Variants in UNC13C observed in about 807,000 individuals in gnomAD.
The protein encoded by UNC13C is unc-13 homolog C.
A neutral mutation model predicts 245.4 loss-of-function variants in UNC13C; 174 were observed. The ratio of observed to expected loss-of-function variants is 0.71; its 90% CI spans 0.63 to 0.80. The LOEUF is 0.80. Among genes scored for constraint, UNC13C ranks in the 30% least tolerant of loss-of-function variants. The pLI, the probability that UNC13C is intolerant of heterozygous loss-of-function variation, is 0.00. For synonymous variants in UNC13C, 992 were observed against 895.1 expected, an observed-to-expected ratio of 1.11 and a Z score of -1.93; for missense variants, 2,829 against 2,602.9, an observed-to-expected ratio of 1.09 and a Z score of -1.89.
At chr15:54,559,316 G>T (rs1897208225) in intron 29 of UNC13C, among the ~76,000 whole-genome samples, 1 of 151,992 alleles carries the variant, frequency 6.6e-6, no homozygotes, top group Admixed American at 6.6e-5. Flanking sequence ...TTATTCCTCT[G>T]TGTTTCTTAC....
chr15:53,843,676 G>A, the UNC13C span, among the ~76,000 whole-genome samples: 2 of 152,012 alleles, frequency 1.3e-5, no homozygotes, highest in Admixed American at 1.3e-4. Flanking sequence ...TGAAAATGAA[G>A]GCCATGTGTG....
intron 19 of UNC13C, among the ~76,000 whole-genome samples, chr15:54,464,026 C>T (rs1206800121): frequency 6.6e-6 from 1 of 152,136 alleles, no homozygotes; most frequent in Non-Finnish European, 1.5e-5. Flanking sequence ...GATAAAGAAG[C>T]AGTTAACGAA....
chr15:54,030,860 C>A (rs1231060820), intron 2 of UNC13C, among the ~76,000 whole-genome samples: 1 of 152,092 alleles, frequency 6.6e-6, no homozygotes, highest in Non-Finnish European at 1.5e-5. Context: ...TTATAAGAGC[C>A]CAAAATCCTA....
At chr15:53,984,618 CAGTG>C (rs1894055733) in intron 1 of UNC13C, among the ~76,000 whole-genome samples, 2 of 152,058 alleles carry the variant, frequency 1.3e-5, no homozygotes, top group East Asian at 1.9e-4. Flanking sequence ...AGGAAGTTCT[CAGTG>C]AGCACTGGCT....
intron 4 of UNC13C, among the ~76,000 whole-genome samples, chr15:54,150,381 TA>T (rs2032462685): frequency 6.6e-6 from 1 of 152,248 alleles, no homozygotes; most frequent in Admixed American, 6.5e-5. Context: ...GGAGTACGCC[TA>T]ATCACAGACT....
intron 19 of UNC13C, among the ~76,000 whole-genome samples, chr15:54,486,490 C>G (rs1205043444): frequency 6.6e-6 from 1 of 151,602 alleles, no homozygotes; most frequent in Non-Finnish European, 1.5e-5. Flanking sequence ...AACATAGCAC[C>G]TGGTTCATAG....
At chr15:54,482,191 G>T (rs899159994) in intron 19 of UNC13C, among the ~76,000 whole-genome samples, 3 of 152,118 alleles carry the variant, frequency 2.0e-5, no homozygotes, top group Non-Finnish European at 2.9e-5. Context: ...TCATGATACT[G>T]CAGTCCTCGG....
chr15:54,408,249 C>A (rs951742349), intron 18 of UNC13C, among the ~76,000 whole-genome samples: 38 of 135,768 alleles, frequency 2.8e-4, no homozygotes, highest in Non-Finnish European at 4.9e-4. Flanking sequence ...GAACCATAGG[C>A]TCTGTTTCTG....
chr15:54,288,755 T>C (rs1331802026), intron 10 of UNC13C, among the ~76,000 whole-genome samples: 1 of 152,146 alleles, frequency 6.6e-6, no homozygotes, highest in Non-Finnish European at 1.5e-5. Context: ...TACTGTTTCC[T>C]GGAGAATTTA....
chr15:54,317,269 C>T (rs994244), intron 13 of UNC13C, among the ~76,000 whole-genome samples: 58,318 of 151,692 alleles, frequency 0.38, 11,475 homozygotes, highest in East Asian at 0.55. Flanking sequence ...TAATGATAAA[C>T]GTGTGGTGAA....
In UNC13C at chr15:54,019,623, G is replaced by C. The variant is rs577244195; in HGVS notation, c.2983+3737G>C. 1.6e-4 allele frequency among the ~76,000 whole-genome samples: 24 copies of C among 152,272 alleles called. No homozygotes were observed. In the East Asian group the frequency reaches 4.6e-3, roughly 29 times the overall value. ...TTCCTAGCAGAAGACCAAAAATCTT[G>C]TTCTGAAAGAGACTGTGATATCGGA... On this transcript the variant is annotated intron_variant, in intron 2 of 32. Transcript: ENST00000260323.
chr15:54,427,435 C>T (rs1023847982), intron 19 of UNC13C, among the ~76,000 whole-genome samples: 1 of 151,708 alleles, frequency 6.6e-6, no homozygotes, highest in Admixed American at 6.6e-5. Context: ...ACTATAAGTC[C>T]AATTAAGCCT....
chr15:53,937,485 C>T, the UNC13C span, among the ~76,000 whole-genome samples: 1 of 152,164 alleles, frequency 6.6e-6, no homozygotes, highest in Non-Finnish European at 1.5e-5. Context: ...AGTAGAACTT[C>T]CCAACCTAGC....
At position 54,015,070 on chromosome 15, in the gene UNC13C, T is replaced by A. The variant is rs1895581536; in HGVS notation, c.2167T>A (p.Cys723Ser). 3 of 1,612,850 alleles carry A rather than the reference T, an allele frequency of 1.9e-6. No individual in the cohort carries two copies. The South Asian group carries it at 3.3e-5, about 18-fold the overall frequency. ...AACTCAAGATGACAATTCTTCTCCATGCCCTGGCTTGGATAATGAACCACA... is the reference window on the plus strand; with the variant it reads ...AACTCAAGATGACAATTCTTCTCCAAGCCCTGGCTTGGATAATGAACCACA... ...DLTQDDNSSP[C>S]PGLDNEPQGQ... The change falls in exon 2 of 33, where the codon TGC becomes AGC. Residue 723 changes from cysteine to serine, a missense_variant. By Grantham distance (112) the Cys-to-Ser change is moderately radical (BLOSUM62 -1). Coordinates refer to ENST00000260323, the MANE Select transcript of UNC13C (RefSeq NM_001080534.3).
rs757381905 is a variant in UNC13C at position 54,015,313 on chromosome 15, G to A, written c.2410G>A (p.Ala804Thr). Residue 804 changes from alanine to threonine, a missense_variant, in exon 2 of 33, where the codon GCT becomes ACT. By Grantham distance (58) the Ala-to-Thr change is moderately conservative (BLOSUM62 0). Transcript: ENST00000260323. ...FPKFGSTLQRAKSALEVVWNK... is the reference protein window; with the variant it reads ...FPKFGSTLQRTKSALEVVWNK... ...AAAATTTGGATCTACACTGCAGAGG[G>A]CTAAATCAGCCTTGGAAGTAGTATG... is the stretch of plus-strand genomic sequence containing the variant. 1 of 1,613,746 alleles carries A rather than the reference G, an allele frequency of 6.2e-7. No individual in the cohort carries two copies. The highest frequency in any genetic ancestry group is 8.5e-7 in the Non-Finnish European group (1 of 1,179,834).
At chr15:54,422,896 G>C (rs915730342) in intron 19 of UNC13C, among the ~76,000 whole-genome samples, 5 of 146,786 alleles carry the variant, frequency 3.4e-5, no homozygotes, top group African/African-American at 1.3e-4. Flanking sequence ...CCTTTTTTCT[G>C]TTTGTACATG....
intron 2 of UNC13C, among the ~76,000 whole-genome samples, chr15:54,072,962 A>G (rs1008187381): frequency 6.6e-6 from 1 of 152,002 alleles, no homozygotes; most frequent in Non-Finnish European, 1.5e-5. Flanking sequence ...TACACGTGCC[A>G]TGGTGGTTTG....
chr15:53,973,363 C>A (rs1893597517), upstream of UNC13C, among the ~76,000 whole-genome samples: 1 of 152,044 alleles, frequency 6.6e-6, no homozygotes, highest in African/African-American at 2.4e-5. Flanking sequence ...AGTTGCTTTA[C>A]ATGGATTATC....
chr15:54,152,667 G>T (rs1285532569), intron 4 of UNC13C, among the ~76,000 whole-genome samples: 1 of 152,094 alleles, frequency 6.6e-6, no homozygotes, highest in Admixed American at 6.6e-5. Flanking sequence ...AAAATATCAT[G>T]TTACATTGAG....
Sources: gnomAD v4.1 joint callset for allele counts (sites outside exome capture counted in the v4.1 genomes callset) on GRCh38, gnomAD v4.1.1 for gene constraint, MANE v1.5 for transcripts, NCBI Gene and HGNC (gene_info 2026-07-23, HGNC 2026-07-21) for gene names.